TBCK: variants seen among roughly 807,000 people sequenced by gnomAD.
TBCK encodes TBC1 domain containing kinase.
Under a neutral mutation model 113.4 loss-of-function variants are expected in TBCK, and 99 were observed. The observed-to-expected ratio is 0.87, with a 90% confidence interval of 0.74 to 1.03. TBCK has a LOEUF of 1.03. TBCK is among the 50% of genes least tolerant of loss of function. The probability of loss-of-function intolerance (pLI) is 0.00; values close to 1 mark genes in which losing one functional copy is unlikely to be tolerated. For missense variants in TBCK, 1,045 were observed against 1,061.3 expected, an observed-to-expected ratio of 0.98 and a Z score of 0.21; for synonymous variants, 369 against 370.8, an observed-to-expected ratio of 1.00 and a Z score of 0.05.
chr4:106,162,824 C>A (rs1037480360), intron 23 of TBCK, among the ~76,000 whole-genome samples: 5 of 152,138 alleles, frequency 3.3e-5, no homozygotes, highest in African/African-American at 1.2e-4. Flanking sequence ...TGTCCTAGGT[C>A]TCCAGGCCTA....
chr4:106,212,899 A>G (rs1414042114), intron 19 of TBCK, 64 bp from the exon 20 acceptor site: 3 of 1,002,370 alleles, frequency 3.0e-6, no homozygotes, highest in East Asian at 4.9e-5. Flanking sequence ...ATTATATTCA[A>G]ATATAGTTTT....
At chr4:106,198,262 C>T (rs1754485742) in intron 20 of TBCK, among the ~76,000 whole-genome samples, 1 of 152,084 alleles carries the variant, frequency 6.6e-6, no homozygotes, top group African/African-American at 2.4e-5. Flanking sequence ...TCTGTCTTAA[C>T]TATGTCATAG....
chr4:106,289,342 A>C (rs1765433389), intron 3 of TBCK, among the ~76,000 whole-genome samples: 1 of 152,232 alleles, frequency 6.6e-6, no homozygotes, highest in Admixed American at 6.5e-5. Context: ...TTAATAATTT[A>C]GCCTTTTTTA....
At chr4:106,134,285 TATTTC>T (rs1362854649) in intron 23 of TBCK, among the ~76,000 whole-genome samples, 1 of 152,094 alleles carries the variant, frequency 6.6e-6, no homozygotes, top group Non-Finnish European at 1.5e-5. Flanking sequence ...AAATTCCTTA[TATTTC>T]ATTTGCATAT....
intron 20 of TBCK, among the ~76,000 whole-genome samples, chr4:106,203,283 C>CATATATAT (rs10565641): frequency 4.0e-4 from 59 of 146,298 alleles, no homozygotes; most frequent in African/African-American, 9.7e-4. Context: ...TATATTTTCA[C>CATATATAT]ATATATATAT....
intron 5 of TBCK, chr4:106,255,123 A>G: frequency 4.6e-6 from 1 of 217,150 alleles, no homozygotes; most frequent in East Asian, 1.6e-4. Context: ...ACTAACCCTA[A>G]CAATCTATAA....
Position 106,139,245 on chromosome 4 carries a change from G to A in TBCK, c.2236-22867C>T, listed in dbSNP as rs1289950776. Among the ~76,000 whole-genome samples, 4 of 141,166 alleles carry A rather than the reference G, an allele frequency of 2.8e-5. 1 individual carries two copies. The highest frequency in any genetic ancestry group is 6.4e-5 in the Non-Finnish European group (4 of 62,104). 92.6% of individuals were successfully genotyped at this position (141,166 alleles called of 152,430 possible). On this transcript the variant is annotated intron_variant, in intron 23 of 25. Transcript: ENST00000394708. ...CCTGAGGAAGAAAGTCTGGAGATCT[G>A]CCTCTCTTCATTCTCACTGCTGTGC...
intron 24 of TBCK, among the ~76,000 whole-genome samples, chr4:106,114,983 C>T (rs952316794): frequency 2.6e-5 from 4 of 152,054 alleles, no homozygotes; most frequent in Non-Finnish European, 5.9e-5. Flanking sequence ...ATACTCTCTC[C>T]AAACTCAGAA....
At chr4:106,113,949 A>C (rs974642007) in intron 24 of TBCK, among the ~76,000 whole-genome samples, 25 of 152,204 alleles carry the variant, frequency 1.6e-4, no homozygotes, top group African/African-American at 5.5e-4. Flanking sequence ...GACATGCCCC[A>C]AGTGGGGTTC....
chr4:106,311,364 C>T (rs1424853977), intron 1 of TBCK, among the ~76,000 whole-genome samples: 1 of 151,812 alleles, frequency 6.6e-6, no homozygotes, highest in Non-Finnish European at 1.5e-5. Context: ...GCTTTATTCA[C>T]CTGTATACAT....
chr4:106,174,082 T>A (rs948597507), intron 22 of TBCK, among the ~76,000 whole-genome samples: 37 of 152,110 alleles, frequency 2.4e-4, no homozygotes, highest in African/African-American at 8.9e-4. Context: ...CAAGGATAGA[T>A]GGAAAAGACA....
chr4:106,135,721 A>G (rs72964475), intron 23 of TBCK, among the ~76,000 whole-genome samples: 4,416 of 141,900 alleles, frequency 0.031, 563 homozygotes, highest in African/African-American at 0.1. Flanking sequence ...CACTCACGGT[A>G]CTTGGGATAT....
At chr4:106,242,250 C>G (rs1305879413) in intron 12 of TBCK, among the ~76,000 whole-genome samples, 1 of 151,748 alleles carries the variant, frequency 6.6e-6, no homozygotes, top group Non-Finnish European at 1.5e-5. Flanking sequence ...GAACAGTTAC[C>G]CAATGATGGC....
chr4:106,242,671 A>G, intron 11 of TBCK, 102 bp from the exon 12 acceptor site: 1 of 671,618 alleles, frequency 1.5e-6, no homozygotes, highest in East Asian at 3.1e-5. Flanking sequence ...TCATCAAAAA[A>G]GAATTAAACT....
chr4:106,126,410 T>A (rs1332959172), intron 23 of TBCK, among the ~76,000 whole-genome samples: 5 of 152,194 alleles, frequency 3.3e-5, no homozygotes, highest in African/African-American at 1.2e-4. Flanking sequence ...TATAAAGGAA[T>A]AAAATAGTAT....
At chr4:106,268,093 T>G (rs1763149254) in intron 3 of TBCK, among the ~76,000 whole-genome samples, 1 of 152,052 alleles carries the variant, frequency 6.6e-6, no homozygotes, top group Non-Finnish European at 1.5e-5. Flanking sequence ...TTTAAGCTCA[T>G]CAAGACCTTG....
At chr4:106,140,713 T>A (rs574871032) in intron 23 of TBCK, among the ~76,000 whole-genome samples, 1 of 138,598 alleles carries the variant, frequency 7.2e-6, no homozygotes, top group East Asian at 2.0e-4. Context: ...TCAAGTCTAG[T>A]TAAATTTTTT....
Position 106,144,942 on chromosome 4 carries a change from G to A in TBCK, c.2235+26153C>T, listed in dbSNP as rs913282829. Among the ~76,000 whole-genome samples the A allele has an allele frequency of 4.0e-5, 6 of 149,758 alleles. No individual in the cohort carries two copies. In the Admixed American group the frequency reaches 4.0e-4, roughly 10 times the overall value. ...GGTGGCTGAGGCAGGAAAATCGCTT[G>A]AACTGGGAGGCGGAGGTTGCAGGGA... On this transcript the variant is annotated intron_variant, in intron 23 of 25. Transcript: ENST00000394708.
Position 106,241,454 on chromosome 4 carries a change from C to T in TBCK, c.1170+1016G>A, listed in dbSNP as rs1018969038. Among the ~76,000 whole-genome samples the T allele has an allele frequency of 2.6e-5, 4 of 151,698 alleles. 1 individual carries two copies. The highest frequency in any genetic ancestry group is 5.9e-5 in the Non-Finnish European group (4 of 67,806). ...AAGAGTTCCTACTCCATTTTGAGGA[C>T]AAAAAAACTGAAGGTCTTCCCTTGC... On this transcript the variant is annotated intron_variant, in intron 12 of 25. Transcript: ENST00000394708.
Sources: gnomAD v4.1 joint callset for allele counts (sites outside exome capture counted in the v4.1 genomes callset) on GRCh38, gnomAD v4.1.1 for gene constraint, MANE v1.5 for transcripts, NCBI Gene and HGNC (gene_info 2026-07-23, HGNC 2026-07-21) for gene names.